CADPS: variants seen among roughly 807,000 people sequenced by gnomAD.
CADPS encodes calcium dependent secretion activator, also known as calcium-dependent secretion activator 1.
CADPS carries 57 observed loss-of-function variants against 167.3 expected under a neutral mutation model. The ratio of observed to expected loss-of-function variants is 0.34; its 90% confidence interval spans 0.28 to 0.42. The LOEUF (loss-of-function observed/expected upper bound fraction) is 0.42. CADPS is among the 20% of genes least tolerant of loss of function. CADPS has a pLI of 1.00. For synonymous variants in CADPS, 676 were observed against 635.3 expected (o/e 1.06, Z -0.96); for missense variants, 1,414 against 1,738.1 (o/e 0.81, Z 3.32).
At chr3:62,751,358 C>T (rs1164774041) in intron 3 of CADPS, among the ~76,000 whole-genome samples, 3 of 152,004 alleles carry the variant, frequency 2.0e-5, no homozygotes, top group Non-Finnish European at 4.4e-5. Context: ...GATATGAAAC[C>T]CTGAAACAAT....
intron 1 of CADPS, among the ~76,000 whole-genome samples, chr3:62,854,828 CTTT>C (rs2079340292): frequency 1.3e-5 from 2 of 152,004 alleles, no homozygotes; most frequent in African/African-American, 4.8e-5. Flanking sequence ...GTTTTCTAAA[CTTT>C]TTTAAAAAGT....
chr3:62,584,087 C>A (rs1451951218), intron 8 of CADPS, among the ~76,000 whole-genome samples: 1 of 151,098 alleles, frequency 6.6e-6, no homozygotes, highest in Non-Finnish European at 1.5e-5. Context: ...TCACAGCAAC[C>A]TCTGCCTCCT....
chr3:62,595,849 T>C (rs2058832838), intron 6 of CADPS, among the ~76,000 whole-genome samples: 1 of 152,068 alleles, frequency 6.6e-6, no homozygotes, highest in Admixed American at 6.5e-5. Flanking sequence ...TCTAAGCAGC[T>C]TCCAGCGAAT....
At chr3:62,494,669 A>ATTTT (rs56153630) in intron 18 of CADPS, among the ~76,000 whole-genome samples, 2 of 118,618 alleles carry the variant, frequency 1.7e-5, no homozygotes, top group African/African-American at 6.8e-5. Flanking sequence ...CTTACCAGCA[A>ATTTT]TTTTTTTTTT....
chr3:62,770,729 A>G (rs1047778061), intron 1 of CADPS, among the ~76,000 whole-genome samples: 15 of 152,202 alleles, frequency 9.9e-5, no homozygotes, highest in Admixed American at 2.6e-4. Flanking sequence ...CCCAATCGGT[A>G]TAAGAGATTC....
At chr3:62,528,848 T>C (rs1277002270) in intron 13 of CADPS, among the ~76,000 whole-genome samples, 2 of 152,178 alleles carry the variant, frequency 1.3e-5, no homozygotes, top group Non-Finnish European at 2.9e-5. Context: ...ATCTGAATAT[T>C]TTATAGCAAA....
chr3:62,498,270 C>T (rs899430352), intron 18 of CADPS: 2 of 431,920 alleles, frequency 4.6e-6, no homozygotes, highest in African/African-American at 2.0e-5. Flanking sequence ...TATTATTTAA[C>T]TATACTGGCA....
intron 3 of CADPS, among the ~76,000 whole-genome samples, chr3:62,699,432 C>G (rs1279736400): frequency 6.6e-6 from 1 of 152,110 alleles, no homozygotes; most frequent in South Asian, 2.1e-4. Flanking sequence ...CCCAGAGATT[C>G]TAATCTAAGT....
At chr3:62,850,769 T>A (rs867697491) in intron 1 of CADPS, among the ~76,000 whole-genome samples, 42 of 150,652 alleles carry the variant, frequency 2.8e-4, no homozygotes, top group Admixed American at 2.8e-3. Context: ...GGGTGGAGAG[T>A]TCTGTAGATG....
intron 13 of CADPS, among the ~76,000 whole-genome samples, chr3:62,525,550 A>T (rs141110476): frequency 6.6e-6 from 1 of 152,186 alleles, no homozygotes. Flanking sequence ...TTTATACCGC[A>T]TCAGTGCCTG....
chr3:62,826,693 A>G (rs1408672859), intron 1 of CADPS, among the ~76,000 whole-genome samples: 1 of 152,036 alleles, frequency 6.6e-6, no homozygotes, highest in East Asian at 1.9e-4. Flanking sequence ...TTAACCTTTC[A>G]TGGAAGTCAC....
At chr3:62,563,654 A>G (rs1220979472) in intron 9 of CADPS, among the ~76,000 whole-genome samples, 2 of 152,144 alleles carry the variant, frequency 1.3e-5, no homozygotes, top group Admixed American at 6.5e-5. Flanking sequence ...ATCAGTATAC[A>G]ATGAACCCAA....
rs766019189 is a variant in CADPS at position 62,474,253 on chromosome 3, A to G, written c.3397T>C (p.Ser1133Pro). ...SRSTDFRVPQ[S>P]ICTMFNVMVD... is the part of the protein sequence containing the mutation. ...ATAACATTAAACATGGTGCATATTG[A>G]CTGTGGGACTCGAAAATCTGTTGAT... is the stretch of plus-strand genomic sequence containing the variant. The change falls in exon 24 of 30, where the codon TCA becomes CCA. Residue 1133 changes from serine (S) to proline (P), a missense_variant. By Grantham distance (74) the Ser-to-Pro change is moderately conservative. This residue lies in a region of CADPS where 19 missense variants were observed against 49.4 expected (regional missense o/e 0.38). Transcript: ENST00000383710. 6.2e-7 allele frequency: 1 copy of G among 1,610,656 alleles called. No homozygotes were observed. The highest frequency in any genetic ancestry group is 1.7e-5 in the Admixed American group (1 of 59,402).
intron 5 of CADPS, 78 bp downstream of exon 5, chr3:62,650,769 A>T (rs948584409): frequency 2.9e-5 from 30 of 1,047,808 alleles, no homozygotes; most frequent in Non-Finnish European, 4.0e-5. Context: ...CAGAAAAAAC[A>T]AGCTGATTGT....
At chr3:62,590,906 G>A (rs184308143) in intron 7 of CADPS, among the ~76,000 whole-genome samples, 1 of 152,202 alleles carries the variant, frequency 6.6e-6, no homozygotes, top group East Asian at 1.9e-4. Context: ...CCAGGCTAGA[G>A]TGCAATGGAG....
At chr3:62,791,861 T>C (rs2092977564) in intron 1 of CADPS, among the ~76,000 whole-genome samples, 1 of 152,226 alleles carries the variant, frequency 6.6e-6, no homozygotes, top group South Asian at 2.1e-4. Context: ...TTGTGAAGAT[T>C]AAATTAGATA....
rs182042337 is a variant in CADPS, at chr3:62,569,220, C to T, written c.1644+1652G>A. ...GGTTCAAGTGATTCTTCTGCCTCAG[C>T]CTCCCTAGTAGCTGAGATTACAAGC... On this transcript the variant is annotated intron_variant, in intron 9 of 29. Coordinates refer to ENST00000383710, the MANE Select transcript of CADPS (RefSeq NM_003716.4). Among the ~76,000 whole-genome samples the T allele has an allele frequency of 6.7e-4, 102 of 152,338 alleles. 1 individual carries two copies. Among genetic ancestry groups the T allele is most frequent in the African/African-American group, 2.2e-3 (92 of 41,574 alleles).
chr3:62,870,396 T>A (rs567232246), intron 1 of CADPS, among the ~76,000 whole-genome samples: 2 of 152,270 alleles, frequency 1.3e-5, no homozygotes, highest in South Asian at 2.1e-4. Flanking sequence ...GCGCTCTCTC[T>A]CACACACATA....
intron 10 of CADPS, 127 bp from the exon 11 acceptor site, chr3:62,550,242 A>G: frequency 1.5e-6 from 1 of 667,476 alleles, no homozygotes; most frequent in South Asian, 1.8e-5. Context: ...TGATTAACTT[A>G]GGATGGGAAG....
Sources: allele counts gnomAD v4.1 joint callset (sites outside exome capture counted in the v4.1 genomes callset), GRCh38; gene constraint gnomAD v4.1.1; regional missense constraint gnomAD v4.1.1; transcripts MANE v1.5; gene names NCBI Gene and HGNC (gene_info 2026-07-23, HGNC 2026-07-21).